Variants in C2CD5 observed in about 807,000 individuals in gnomAD.
C2CD5 encodes C2 calcium dependent domain containing 5, also known as C2 domain-containing protein 5.
Under a neutral mutation model 130.3 loss-of-function variants are expected in C2CD5, and 109 were observed. The ratio of observed to expected loss-of-function variants is 0.84; its 90% CI spans 0.72 to 0.98. The LOEUF is 0.98. Ranked by LOEUF, C2CD5 falls within the 50% of genes least tolerant of loss-of-function variation. The pLI, the probability that C2CD5 is intolerant of heterozygous loss-of-function variation, is 0.00. For missense variants in C2CD5, 996 were observed against 1,261.8 expected (o/e 0.79, Z 3.19); for synonymous variants, 454 against 429.2 (o/e 1.06, Z -0.71).
chr12:22,540,736 G>A (rs920884976), intron 2 of C2CD5, among the ~76,000 whole-genome samples: 1 of 152,140 alleles, frequency 6.6e-6, no homozygotes, highest in African/African-American at 2.4e-5. Flanking sequence ...GCAAGCACCT[G>A]TAATCCCAGC....
At position 22,488,483 on chromosome 12, in the gene C2CD5, T is replaced by C. The variant is rs118031878; in HGVS notation, c.1358+1640A>G. Among the ~76,000 whole-genome samples the C allele has an allele frequency of 5.2e-3, 783 of 151,954 alleles. 14 individuals are homozygous for C. The highest frequency in any genetic ancestry group is 0.05 in the East Asian group (260 of 5,168). ...TGGCACCTATTGTATTGAACTACTATATAAGAGAATTTATTGTATTCGTCC... is the reference window on the plus strand; with the variant it reads ...TGGCACCTATTGTATTGAACTACTACATAAGAGAATTTATTGTATTCGTCC... On this transcript the variant is annotated intron_variant, in intron 12 of 26. Coordinates refer to ENST00000446597, the MANE Select transcript of C2CD5 (RefSeq NM_001286176.2).
chr12:22,538,733 A>T (rs2137297271), intron 2 of C2CD5, among the ~76,000 whole-genome samples: 1 of 152,340 alleles, frequency 6.6e-6, no homozygotes, highest in African/African-American at 2.4e-5. Context: ...ATTCAATTAC[A>T]TCAATACATA....
chr12:22,522,061 T>G (rs878998000), intron 7 of C2CD5, among the ~76,000 whole-genome samples: 1 of 152,206 alleles, frequency 6.6e-6, no homozygotes, highest in African/African-American at 2.4e-5. Context: ...TAAGTTTTAT[T>G]TGAACACAGT....
chr12:22,543,818 C>G (rs1029795560), intron 2 of C2CD5, among the ~76,000 whole-genome samples: 5 of 152,084 alleles, frequency 3.3e-5, no homozygotes, highest in African/African-American at 4.8e-5. Flanking sequence ...TCAGGGTCAC[C>G]CCCGCATGCA....
chr12:22,516,105 G>A lies in C2CD5; in HGVS notation c.952+1881C>T, dbSNP rs186824712. ...ATGTTATTAACTTTATTCTACTTTT[G>A]GATTCCCAAATAAATTATAATCAGC... is the stretch of plus-strand genomic sequence containing the variant. On this transcript the variant is annotated intron_variant, in intron 8 of 26. Coordinates refer to ENST00000446597, the MANE Select transcript of C2CD5 (RefSeq NM_001286176.2). Among the ~76,000 whole-genome samples the A allele has an allele frequency of 2.9e-3, 430 of 149,170 alleles. 4 individuals carry two copies. The highest frequency in any genetic ancestry group is 0.01 in the African/African-American group (421 of 40,858).
At chr12:22,516,700 G>A (rs554247022) in intron 8 of C2CD5, among the ~76,000 whole-genome samples, 1 of 151,326 alleles carries the variant, frequency 6.6e-6, no homozygotes, top group Non-Finnish European at 1.5e-5. Flanking sequence ...GCAGTCTGTG[G>A]ACCAAAGTCT....
Position 22,513,282 on chromosome 12 carries a change from A to G in C2CD5, c.1038+12T>C, listed in dbSNP as rs1949387615. The G allele has an allele frequency of 6.4e-7, 1 of 1,551,658 alleles. No homozygotes were observed. The highest frequency in any genetic ancestry group is 1.7e-5 in the Admixed American group (1 of 59,872). On this transcript the variant is annotated intron_variant, in intron 9 of 26. Coordinates refer to ENST00000446597, the MANE Select transcript of C2CD5 (RefSeq NM_001286176.2). ...AACAGTGTAAGAACAAAGAATATCAAGTGAATCTTACCCTCTGTTCCAACG... is the reference window on the plus strand; with the variant it reads ...AACAGTGTAAGAACAAAGAATATCAGGTGAATCTTACCCTCTGTTCCAACG...
At chr12:22,458,459 T>C in intron 24 of C2CD5, 25 bp downstream of exon 24, 1 of 1,065,814 alleles carries the variant, frequency 9.4e-7, no homozygotes, top group African/African-American at 1.6e-5. Flanking sequence ...CAGATTATCA[T>C]AATGTGGTAG....
intron 8 of C2CD5, chr12:22,515,147 G>C: frequency 1.0e-6 from 1 of 984,606 alleles, no homozygotes; most frequent in Non-Finnish European, 1.2e-6. Context: ...CTGTGGGTAA[G>C]GTGCTGTGGA....
chr12:22,485,286 ATT>A (rs898954874), intron 12 of C2CD5, among the ~76,000 whole-genome samples: 1 of 152,150 alleles, frequency 6.6e-6, no homozygotes, highest in South Asian at 2.1e-4. Context: ...AGAAAAAAAT[ATT>A]TTGGTTACCA....
chr12:22,526,589 A>C (rs1486529897), intron 4 of C2CD5, among the ~76,000 whole-genome samples: 1 of 152,186 alleles, frequency 6.6e-6, no homozygotes, highest in Non-Finnish European at 1.5e-5. Context: ...AAAAAATTCC[A>C]AGCCAGGAGT....
intron 10 of C2CD5, among the ~76,000 whole-genome samples, chr12:22,505,879 A>G (rs114052032): frequency 4.3e-4 from 63 of 148,020 alleles, no homozygotes; most frequent in African/African-American, 1.4e-3. Context: ...CTGTTTTTCA[A>G]TTCTTAGCTA....
At chr12:22,543,087 C>T (rs1016476202) in intron 2 of C2CD5, among the ~76,000 whole-genome samples, 2 of 152,128 alleles carry the variant, frequency 1.3e-5, no homozygotes, top group Admixed American at 6.5e-5. Flanking sequence ...TGTAATTATT[C>T]GGTTAGAGAA....
intron 22 of C2CD5, among the ~76,000 whole-genome samples, chr12:22,468,069 GCTT>G (rs1253553801): frequency 4.1e-5 from 6 of 144,794 alleles, no homozygotes; most frequent in Admixed American, 4.1e-4. Flanking sequence ...AGGTTTTAGG[GCTT>G]TTTTTTTTTT....
rs368355287 is a variant in C2CD5, at chr12:22,507,583, C to G, written c.1039-764G>C. On this transcript the variant is annotated intron_variant, in intron 9 of 26. Coordinates refer to ENST00000446597, the MANE Select transcript of C2CD5 (RefSeq NM_001286176.2). ...AACACAAAAAAGACAAATGAAAAAG[C>G]CAAGAAAGGAAATTCATTGAAATAG... 2.0e-5 allele frequency among the ~76,000 whole-genome samples: 3 copies of G among 152,010 alleles called. No homozygotes were observed. In the South Asian group the frequency reaches 6.2e-4, roughly 31 times the overall value.
intron 25 of C2CD5, among the ~76,000 whole-genome samples, chr12:22,454,315 T>C (rs964572276): frequency 1.3e-5 from 2 of 152,118 alleles, no homozygotes; most frequent in Non-Finnish European, 2.9e-5. Context: ...TATGATCAAA[T>C]TAGCTAGTAA....
intron 22 of C2CD5, among the ~76,000 whole-genome samples, chr12:22,462,713 G>A (rs892010191): frequency 7.2e-5 from 11 of 152,114 alleles, no homozygotes; most frequent in Non-Finnish European, 1.3e-4. Context: ...AAAGGTATTC[G>A]TTAGCTGCAG....
chr12:22,475,381 T>C (rs1157338904), intron 15 of C2CD5, among the ~76,000 whole-genome samples: 4 of 152,218 alleles, frequency 2.6e-5, no homozygotes, highest in African/African-American at 7.2e-5. Context: ...TATATACTTA[T>C]ACTATGCACA....
chr12:22,542,625 C>T (rs11046463), intron 2 of C2CD5, among the ~76,000 whole-genome samples: 1 of 152,238 alleles, frequency 6.6e-6, no homozygotes, highest in East Asian at 1.9e-4. Flanking sequence ...AGAAGCCTTT[C>T]TCAACCTTCA....
Sources: allele counts gnomAD v4.1 joint callset (sites outside exome capture counted in the v4.1 genomes callset), GRCh38; gene constraint gnomAD v4.1.1; transcripts MANE v1.5; gene names NCBI Gene and HGNC (gene_info 2026-07-23, HGNC 2026-07-21).